The following ERI2 variants were observed in gnomAD, a reference collection of about 807,000 sequenced individuals.
ERI2 encodes the protein ERI1 exoribonuclease 2.
ERI2 carries 35 observed loss-of-function variants against 46.8 expected under a neutral mutation model. That is an observed-to-expected ratio of 0.75 (90% CI 0.57 to 0.99). ERI2 has a LOEUF of 0.99. ERI2 is among the 50% of genes least tolerant of loss of function. The probability of loss-of-function intolerance (pLI) is 0.00; values close to 1 mark genes in which losing one functional copy is unlikely to be tolerated. For synonymous variants in ERI2, 224 were observed against 271.0 expected (o/e 0.83, Z 1.70); for missense variants, 695 against 796.2 (o/e 0.87, Z 1.53).
At chr16:20,780,980 G>A (rs2080340244) in intron 10 of ERI2, 1 of 1,613,900 alleles carries the variant, frequency 6.2e-7, no homozygotes, top group Admixed American at 1.7e-5. Flanking sequence ...CCAGGTTCTG[G>A]CTAGATTTGA....
At chr16:20,801,149 T>G (rs908151448) in intron 5 of ERI2, 54 bp downstream of exon 5, 3 of 1,376,324 alleles carry the variant, frequency 2.2e-6, no homozygotes, top group Non-Finnish European at 2.9e-6. Flanking sequence ...AATAAAGAAT[T>G]ACATAGTGGT....
rs11648835 is a variant in ERI2 at position 20,797,961 on chromosome 16, C to T, written c.1839G>A (p.Pro613=). Residue 613 remains proline (P), a synonymous_variant, in exon 9 of 9, where the codon CCG becomes CCA. Coordinates refer to ENST00000357967, the MANE Select transcript of ERI2 (RefSeq NM_001142725.2). ...AACAATAGAAGACTTTTCCATGGTT[C>T]GGTCCATTATTAGAAACAACAAGTC... ...SKRLVVSNNG[P]NHGKVFYCCP... 27 of 1,551,710 alleles carry T rather than the reference C, an allele frequency of 1.7e-5. No homozygotes were observed. In the African/African-American group the frequency reaches 1.9e-4, roughly 11 times the overall value.
intron 10 of ERI2, chr16:20,785,115 A>G (rs2080444335): frequency 6.2e-7 from 1 of 1,612,476 alleles, no homozygotes; most frequent in Non-Finnish European, 8.5e-7. Context: ...ACGGTACCTG[A>G]CCTCACTGAA....
Position 20,797,755 on chromosome 16 carries a change from G to A in ERI2, c.2045C>T (p.Ser682Phe). The A allele has an allele frequency of 6.5e-7, 1 of 1,549,468 alleles. No homozygotes were observed. The highest frequency in any genetic ancestry group is 8.7e-7 in the Non-Finnish European group (1 of 1,146,250). Reference sequence around the variant, plus strand: ...CCTCATTGAAGGCCTGAGTCTCAAAGAATTTTTGGTGGAAATACTTAAATT... The same window carrying A: ...CCTCATTGAAGGCCTGAGTCTCAAAAAATTTTTGGTGGAAATACTTAAATT... ...DRNLSISTKN[S>F]LRLRPSMRN The change falls in exon 9 of 9, where the codon TCT becomes TTT. Residue 682 changes from serine (S) to phenylalanine (F), a missense_variant. Transcript: ENST00000357967.
At chr16:20,801,424 T>C in intron 4 of ERI2, 65 bp from the exon 5 acceptor site, 1 of 1,466,812 alleles carries the variant, frequency 6.8e-7, no homozygotes, top group Non-Finnish European at 9.1e-7. Context: ...GCATGTTTTA[T>C]AACTGTGGAG....
chr16:20,787,966 T>C (rs2080510673), intron 10 of ERI2, among the ~76,000 whole-genome samples: 1 of 152,194 alleles, frequency 6.6e-6, no homozygotes, highest in Admixed American at 6.5e-5. Context: ...ATAACAGAAC[T>C]GATTTCATAG....
rs557126841 is a variant in ERI2 at position 20,798,802 on chromosome 16, G to A, written c.998C>T (p.Thr333Ile). 17 of 1,551,600 alleles carry A rather than the reference G, an allele frequency of 1.1e-5. No homozygotes were observed. Among genetic ancestry groups the A allele is most frequent in the African/African-American group, 1.4e-5 (1 of 73,172 alleles). ...NVKSSLPLFN[T>I]KSSTSVGQLQ... Reference sequence around the variant, plus strand: ...CTGCCCCACAGAAGTAGAGGACTTAGTATTAAAAAGAGGTAAGGAACTTTT... The same window carrying A: ...CTGCCCCACAGAAGTAGAGGACTTAATATTAAAAAGAGGTAAGGAACTTTT... Residue 333 changes from threonine (T) to isoleucine (I), a missense_variant, in exon 9 of 9, where the codon ACT becomes ATT. Transcript: ENST00000357967.
Position 20,806,427 on chromosome 16 carries a change from C to T in ERI2, c.4G>A (p.Ala2Thr). Residue 2 changes from alanine to threonine, a missense_variant, in exon 1 of 9, where the codon GCG becomes ACG. Coordinates refer to ENST00000357967, the MANE Select transcript of ERI2 (RefSeq NM_001142725.2). ...GAGTACCGCGCGAGCCGCTTGGTCG[C>T]CATTCCCGACACTCCTTGCTTTTCC... M[A>T]TKRLARQLGL... The T allele has an allele frequency of 6.4e-7, 1 of 1,553,196 alleles. No individual in the cohort carries two copies. Among genetic ancestry groups the T allele is most frequent in the Non-Finnish European group, 8.7e-7 (1 of 1,148,118 alleles).
chr16:20,799,937 A>T lies in ERI2; in HGVS notation c.643+20T>A. The T allele has an allele frequency of 6.8e-7, 1 of 1,464,930 alleles. No individual in the cohort carries two copies. The highest frequency in any genetic ancestry group is 1.2e-5 in the South Asian group (1 of 81,644). 90.7% of individuals were successfully genotyped at this position (1,464,930 alleles called of 1,614,324 possible). ...TTTTTAAAAGTCAAATGGCTTACAT[A>T]ATTTTTAATGTATACTAACCAGAAT... On this transcript the variant is annotated intron_variant, in intron 7 of 8. Transcript: ENST00000357967.
At chr16:20,803,931 C>A (rs879071575) in intron 1 of ERI2, among the ~76,000 whole-genome samples, 1 of 152,134 alleles carries the variant, frequency 6.6e-6, no homozygotes, top group Non-Finnish European at 1.5e-5. Flanking sequence ...CCACTCACTA[C>A]AGCCTTAATC....
At chr16:20,787,684 CACTT>C (rs1472409054) in intron 10 of ERI2, among the ~76,000 whole-genome samples, 1 of 152,216 alleles carries the variant, frequency 6.6e-6, no homozygotes, top group Non-Finnish European at 1.5e-5. Flanking sequence ...TCCTTTCTCT[CACTT>C]TAACCTTGCT....
In ERI2 at chr16:20,799,132, C is replaced by A. The variant is rs965753415; in HGVS notation, c.733-65G>T. ...TGCATTCGTTAATTTCTTCAGTATA[C>A]AGTTTTATGACAAAAAAGAGAAATG... On this transcript the variant is annotated intron_variant, in intron 8 of 8. Coordinates refer to ENST00000357967, the MANE Select transcript of ERI2 (RefSeq NM_001142725.2). 10 of 1,485,100 alleles carry A rather than the reference C, an allele frequency of 6.7e-6. No individual in the cohort carries two copies. In the African/African-American group the frequency reaches 1.3e-4, roughly 19 times the overall value. 92.0% of individuals were successfully genotyped at this position (1,485,100 alleles called of 1,614,324 possible).
chr16:20,798,573 C>T lies in ERI2; in HGVS notation c.1227G>A (p.Glu409=). The change falls in exon 9 of 9, where the codon GAG becomes GAA. Residue 409 remains glutamate, a synonymous_variant. Transcript: ENST00000357967. ...LDCLPVLADW[E]DVVLLPASQP... Reference sequence around the variant, plus strand: ...GAGATGCTGGCAGTAAAACCACATCCTCCCAATCAGCCAACACAGGTAAAC... The same window carrying T: ...GAGATGCTGGCAGTAAAACCACATCTTCCCAATCAGCCAACACAGGTAAAC... 1 of 1,551,602 alleles carries T rather than the reference C, an allele frequency of 6.4e-7. No individual in the cohort carries two copies. Among genetic ancestry groups the T allele is most frequent in the South Asian group, 1.2e-5 (1 of 84,052 alleles).
rs979355296 is a variant in ERI2 at position 20,798,374 on chromosome 16, A to C, written c.1426T>G (p.Tyr476Asp). 2.6e-6 allele frequency: 4 copies of C among 1,551,280 alleles called. No homozygotes were observed. In the African/African-American group the frequency reaches 4.1e-5, roughly 16 times the overall value. The change falls in exon 9 of 9, where the codon TAC becomes GAC. Residue 476 changes from tyrosine to aspartate, a missense_variant. By Grantham distance (160) the Tyr-to-Asp change is radical. Coordinates refer to ENST00000357967, the MANE Select transcript of ERI2 (RefSeq NM_001142725.2). ...TAAATAGTAGTGTGAGGACTCTTGTACACAATAGACTTAGAAGTCTCAGAT... is the reference window on the plus strand; with the variant it reads ...TAAATAGTAGTGTGAGGACTCTTGTCCACAATAGACTTAGAAGTCTCAGAT... ...QKSETSKSIVYKSPHTTIYNV... is the reference protein window; with the variant it reads ...QKSETSKSIVDKSPHTTIYNV...
At chr16:20,793,540 A>C (rs761582592), downstream of ERI2, among the ~76,000 whole-genome samples, 1 of 152,172 alleles carries the variant, frequency 6.6e-6, no homozygotes, top group Non-Finnish European at 1.5e-5. Flanking sequence ...TGGAGGGTGG[A>C]TCTCCCCCCA....
chr16:20,800,270 A>T, intron 6 of ERI2, 32 bp downstream of exon 6: 1 of 1,455,656 alleles, frequency 6.9e-7, no homozygotes, highest in South Asian at 1.2e-5. Flanking sequence ...TCCATAGAAA[A>T]AAGTAAACAT....
intron 10 of ERI2, among the ~76,000 whole-genome samples, chr16:20,788,063 T>C (rs1477357845): frequency 6.6e-6 from 1 of 152,234 alleles, no homozygotes; most frequent in Non-Finnish European, 1.5e-5. Flanking sequence ...AGATGGGTAC[T>C]GTTATTTACT....
rs2080570552 is a variant in ERI2 at position 20,790,396 on chromosome 16, G to T, written c.815+454C>A. The stretch of plus-strand genomic sequence containing the variant: ...GACCAGAAGTTTGACGCTGCAGTGA[G>T]CTATGAGCTATGATTGCACCACTGC... On this transcript the variant is annotated intron_variant, in intron 9 of 10. Transcript: ENST00000300005. This position sits in a 1 kb window ranked among gnomAD's most constrained non-coding sequence, Gnocchi z 4.0. 6.6e-6 allele frequency among the ~76,000 whole-genome samples: 1 copy of T among 152,234 alleles called. No individual in the cohort carries two copies. Among genetic ancestry groups the T allele is most frequent in the Non-Finnish European group, 1.5e-5 (1 of 68,048 alleles).
chr16:20,806,099 C>T (rs1408795495), intron 1 of ERI2: 3 of 1,301,438 alleles, frequency 2.3e-6, no homozygotes, highest in African/African-American at 1.5e-5. Context: ...GTCTGCAGGG[C>T]ACTGTCACGT....
Sources: gnomAD v4.1 joint callset for allele counts (sites outside exome capture counted in the v4.1 genomes callset) on GRCh38, gnomAD v4.1.1 for gene constraint, Gnocchi (gnomAD v3.1) non-coding constraint, MANE v1.5 for transcripts, NCBI Gene and HGNC (gene_info 2026-07-23, HGNC 2026-07-21) for gene names.